Variants in DLGAP2 observed in about 807,000 individuals in gnomAD.
DLGAP2 encodes the protein disks large-associated protein 2.
In DLGAP2, 26 loss-of-function variants were observed where a neutral mutation model predicts 100.3. The ratio of observed to expected loss-of-function variants is 0.26; its 90% CI spans 0.19 to 0.36. The LOEUF is 0.36. Among genes scored for constraint, DLGAP2 ranks in the 10% least tolerant of loss-of-function variants. The pLI is 1.00. For synonymous variants in DLGAP2, 886 were observed against 630.1 expected, an observed-to-expected ratio of 1.41 and a Z score of -6.08; for missense variants, 1,858 against 1,453.2, an observed-to-expected ratio of 1.28 and a Z score of -4.53.
chr8:1,013,045 T>A (rs1313658269), intron 2 of DLGAP2, among the ~76,000 whole-genome samples: 4 of 152,192 alleles, frequency 2.6e-5, no homozygotes, highest in Non-Finnish European at 4.4e-5. Context: ...AGCTCACAGA[T>A]GCTGGGGTCT....
At chr8:1,321,539 T>C (rs1469526374) in intron 3 of DLGAP2, among the ~76,000 whole-genome samples, 1 of 152,258 alleles carries the variant, frequency 6.6e-6, no homozygotes, top group Non-Finnish European at 1.5e-5. Context: ...TCACTGCCTC[T>C]GCCTTCTAAG....
chr8:1,063,436 C>CG (rs1803149481), intron 2 of DLGAP2, among the ~76,000 whole-genome samples: 1 of 151,662 alleles, frequency 6.6e-6, no homozygotes, highest in Admixed American at 6.6e-5. Context: ...TAACAAGTGA[C>CG]GGGCACCTGT....
chr8:1,329,495 G>T (rs1195550334), intron 3 of DLGAP2, among the ~76,000 whole-genome samples: 1 of 152,190 alleles, frequency 6.6e-6, no homozygotes, highest in Non-Finnish European at 1.5e-5. Context: ...CTTCCCAAGA[G>T]TTTCATTTAG....
Position 1,525,480 on chromosome 8 carries a change from C to T in DLGAP2, c.173-23146C>T, listed in dbSNP as rs143117938. Among the ~76,000 whole-genome samples the T allele has an allele frequency of 1.0e-3, 157 of 152,240 alleles. 1 individual carries two copies. Among genetic ancestry groups the T allele is most frequent in the African/African-American group, 3.6e-3 (148 of 41,534 alleles). On this transcript the variant is annotated intron_variant, in intron 4 of 14. Transcript: ENST00000637795. Reference sequence around the variant, plus strand: ...TCAGAGTCCCAGTGTACAATCCTGGCGATGGCAGAACAGGGAGGTGGGCAG... The same window carrying T: ...TCAGAGTCCCAGTGTACAATCCTGGTGATGGCAGAACAGGGAGGTGGGCAG...
chr8:1,591,868 C>T (rs1264434051), intron 6 of DLGAP2, among the ~76,000 whole-genome samples: 1 of 152,200 alleles, frequency 6.6e-6, no homozygotes, highest in African/African-American at 2.4e-5. Context: ...ATAATTCTGA[C>T]ATGAACTACA....
chr8:1,621,846 G>T (rs1011580832), intron 6 of DLGAP2: 17 of 152,208 alleles, frequency 1.1e-4, no homozygotes, highest in African/African-American at 4.1e-4. Context: ...ATGGGTTGTC[G>T]GGGCAGCTGT....
intron 2 of DLGAP2, among the ~76,000 whole-genome samples, chr8:912,118 T>A (rs1798497193): frequency 6.6e-6 from 1 of 152,208 alleles, no homozygotes; most frequent in Non-Finnish European, 1.5e-5. Flanking sequence ...CACGAATAAT[T>A]AGAAGTTTCA....
At chr8:1,305,955 C>G (rs146687159) in intron 3 of DLGAP2, among the ~76,000 whole-genome samples, 9 of 151,582 alleles carry the variant, frequency 5.9e-5, no homozygotes, top group African/African-American at 1.9e-4. Context: ...GTATAGGGAA[C>G]AACTACTAAT....
intron 2 of DLGAP2, among the ~76,000 whole-genome samples, chr8:1,128,362 C>T (rs967914306): frequency 3.3e-5 from 5 of 152,154 alleles, no homozygotes; most frequent in Admixed American, 1.3e-4. Flanking sequence ...GACCTGCTCC[C>T]GGTGTTGTGT....
At chr8:1,467,408 C>T (rs1216048556) in intron 3 of DLGAP2, among the ~76,000 whole-genome samples, 3 of 150,954 alleles carry the variant, frequency 2.0e-5, no homozygotes, top group Non-Finnish European at 4.4e-5. Context: ...CTCCTCAGGA[C>T]ACCTCCCAGG....
At chr8:1,242,776 A>C (rs1262766917) in intron 2 of DLGAP2, among the ~76,000 whole-genome samples, 1 of 152,122 alleles carries the variant, frequency 6.6e-6, no homozygotes, top group Non-Finnish European at 1.5e-5. Flanking sequence ...AGACGGATGG[A>C]TGGATAGACG....
chr8:1,059,586 G>C (rs1190086133), intron 2 of DLGAP2, among the ~76,000 whole-genome samples: 1 of 152,182 alleles, frequency 6.6e-6, no homozygotes, highest in Non-Finnish European at 1.5e-5. Flanking sequence ...CCGGAGGCAG[G>C]GGTGTGTTCA....
chr8:1,148,368 G>A (rs1316128652), intron 2 of DLGAP2, among the ~76,000 whole-genome samples: 4 of 151,828 alleles, frequency 2.6e-5, no homozygotes, highest in Admixed American at 6.6e-5. Flanking sequence ...GTTTTAATAG[G>A]AATTTATCAA....
intron 2 of DLGAP2, among the ~76,000 whole-genome samples, chr8:1,238,587 T>C (rs1798717767): frequency 1.3e-5 from 1 of 79,926 alleles, no homozygotes; most frequent in African/African-American, 4.9e-5. Context: ...CGTGTCTAGT[T>C]ACCTATCACA....
chr8:1,208,487 A>C (rs4496994), intron 2 of DLGAP2, among the ~76,000 whole-genome samples: 7,285 of 152,264 alleles, frequency 0.048, 592 homozygotes, highest in African/African-American at 0.16. Flanking sequence ...TTAAGTTTAT[A>C]AAAGTCATCT....
chr8:1,296,231 G>C (rs559472016), intron 3 of DLGAP2: 15 of 152,204 alleles, frequency 9.9e-5, no homozygotes, highest in Non-Finnish European at 1.9e-4. Context: ...TAGAAATCAA[G>C]GACATAAATT....
chr8:1,596,621 C>T (rs1002586589), intron 6 of DLGAP2, among the ~76,000 whole-genome samples: 1 of 152,254 alleles, frequency 6.6e-6, no homozygotes, highest in East Asian at 1.9e-4. Context: ...CTCTAATGAC[C>T]AGTGATGATG....
At chr8:1,691,797 C>T (rs897110061) in intron 13 of DLGAP2, among the ~76,000 whole-genome samples, 171 bp downstream of exon 13, 1 of 151,968 alleles carries the variant, frequency 6.6e-6, no homozygotes, top group Non-Finnish European at 1.5e-5. Context: ...CGATTCGGCC[C>T]TGGTTTAAAC....
intron 6 of DLGAP2, among the ~76,000 whole-genome samples, chr8:1,587,339 G>A (rs1796152339): frequency 6.6e-6 from 1 of 152,180 alleles, no homozygotes; most frequent in African/African-American, 2.4e-5. Context: ...CTTGAAAAAG[G>A]AAAATGGTGA....
Sources: gnomAD v4.1 joint callset for allele counts (sites outside exome capture counted in the v4.1 genomes callset) on GRCh38, gnomAD v4.1.1 for gene constraint, MANE v1.5 for transcripts, NCBI Gene and HGNC (gene_info 2026-07-23, HGNC 2026-07-21) for gene names.